FHIT: variants seen among roughly 807,000 people sequenced by gnomAD.
FHIT encodes the protein bis(5'-adenosyl)-triphosphatase.
In FHIT, 19 loss-of-function variants were observed where a neutral mutation model predicts 17.9. The ratio of observed to expected loss-of-function variants is 1.06; its 90% CI spans 0.74 to 1.56. FHIT has a LOEUF of 1.56. Ranked by LOEUF, FHIT falls within the 40% of genes most tolerant of loss-of-function variation. The pLI, the probability that FHIT is intolerant of heterozygous loss-of-function variation, is 0.00. For missense variants in FHIT, 248 were observed against 189.2 expected (o/e 1.31, Z -1.82); for synonymous variants, 81 against 69.7 (o/e 1.16, Z -0.81).
At chr3:60,138,889 T>C (rs1259650517) in intron 5 of FHIT, among the ~76,000 whole-genome samples, 1 of 152,106 alleles carries the variant, frequency 6.6e-6, no homozygotes, top group Admixed American at 6.6e-5. Context: ...ATCAGAAAGC[T>C]GCTGTCACCA....
intron 4 of FHIT, among the ~76,000 whole-genome samples, chr3:60,634,269 C>T (rs1417805940): frequency 6.6e-6 from 1 of 151,354 alleles, no homozygotes; most frequent in Non-Finnish European, 1.5e-5. Flanking sequence ...TGCCAATCTA[C>T]TCTCACACCA....
intron 5 of FHIT, among the ~76,000 whole-genome samples, chr3:60,421,574 A>G (rs1343709695): frequency 6.6e-6 from 1 of 152,154 alleles, no homozygotes; most frequent in Non-Finnish European, 1.5e-5. Context: ...ATTATGCTAT[A>G]AAGTATTATT....
In FHIT at chr3:60,679,863, A is replaced by C. The variant is rs530873126; in HGVS notation, c.-18+142056T>G. On this transcript the variant is annotated intron_variant, in intron 4 of 9. Coordinates refer to ENST00000492590, the MANE Select transcript of FHIT (RefSeq NM_002012.4). The stretch of plus-strand genomic sequence containing the variant: ...TTGTTATATAATGGTATTAGATTGC[A>C]TTCTTCTGAAACTCATTTTCAAAAC... Among the ~76,000 whole-genome samples the C allele has an allele frequency of 2.0e-5, 3 of 152,222 alleles. No homozygotes were observed. In the South Asian group the frequency reaches 6.2e-4, roughly 32 times the overall value.
chr3:59,814,794 T>C (rs752452345), intron 8 of FHIT, among the ~76,000 whole-genome samples: 1 of 152,242 alleles, frequency 6.6e-6, no homozygotes, highest in Non-Finnish European at 1.5e-5. Context: ...TTTCTTCTAC[T>C]GGAAATTGCC....
intron 8 of FHIT, among the ~76,000 whole-genome samples, chr3:59,888,060 T>C: frequency 6.6e-6 from 1 of 152,226 alleles, no homozygotes; most frequent in Admixed American, 6.5e-5. Context: ...ACGGGTGTAC[T>C]TTCTAACTTT....
chr3:59,765,935 A>C (rs1261526161), intron 8 of FHIT, among the ~76,000 whole-genome samples: 2 of 152,222 alleles, frequency 1.3e-5, no homozygotes, highest in Non-Finnish European at 2.9e-5. Flanking sequence ...CATAGGGAGA[A>C]ATCTTAACAA....
chr3:60,482,392 C>T (rs116377773), intron 5 of FHIT, among the ~76,000 whole-genome samples: 83 of 152,276 alleles, frequency 5.5e-4, no homozygotes, highest in African/African-American at 1.9e-3. Flanking sequence ...CTTCTCAGTT[C>T]CACGTGGCAT....
In FHIT at chr3:60,420,760, T is replaced by C. The variant is rs904448180; in HGVS notation, c.103+116100A>G. ...GGTATTTAAATGGTTTAAGTATTGG[T>C]TTGTCATGTGTGTTATAAATGCTGC... On this transcript the variant is annotated intron_variant, in intron 5 of 9. Transcript: ENST00000492590. 2.3e-4 allele frequency among the ~76,000 whole-genome samples: 35 copies of C among 152,312 alleles called. 1 individual carries two copies. Among genetic ancestry groups the C allele is most frequent in the African/African-American group, 7.9e-4 (33 of 41,576 alleles).
chr3:60,681,825 T>C (rs2040755416), intron 4 of FHIT, among the ~76,000 whole-genome samples: 1 of 152,212 alleles, frequency 6.6e-6, no homozygotes, highest in East Asian at 1.9e-4. Context: ...AGTTTGAAGA[T>C]AGCAGAGGCT....
intron 5 of FHIT, among the ~76,000 whole-genome samples, chr3:60,392,663 A>G (rs1701279025): frequency 6.6e-6 from 1 of 152,160 alleles, no homozygotes; most frequent in Non-Finnish European, 1.5e-5. Context: ...ATTTTAACCA[A>G]GTGAGATTAA....
chr3:60,148,471 G>A (rs894354396), intron 5 of FHIT, among the ~76,000 whole-genome samples: 7 of 152,076 alleles, frequency 4.6e-5, no homozygotes, highest in Non-Finnish European at 5.9e-5. Context: ...TACCTTTCTG[G>A]TAGAATTTTA....
intron 4 of FHIT, among the ~76,000 whole-genome samples, chr3:60,708,627 T>C (rs181278559): frequency 1.8e-4 from 28 of 152,312 alleles, no homozygotes; most frequent in Admixed American, 1.4e-3. Flanking sequence ...GAGGCTGTTC[T>C]AAAGGAAAAC....
chr3:59,839,000 A>C (rs1229737873), intron 8 of FHIT, among the ~76,000 whole-genome samples: 1 of 152,128 alleles, frequency 6.6e-6, no homozygotes, highest in Non-Finnish European at 1.5e-5. Context: ...GATCTATTCC[A>C]CAAAAGAAAG....
At chr3:59,946,790 TTC>T (rs1706827540) in intron 7 of FHIT, among the ~76,000 whole-genome samples, 1 of 152,204 alleles carries the variant, frequency 6.6e-6, no homozygotes, top group African/African-American at 2.4e-5. Context: ...TTGTTTTTAG[TTC>T]TGTTTTTGTG....
chr3:60,398,554 C>T (rs948450887), intron 5 of FHIT, among the ~76,000 whole-genome samples: 2 of 152,098 alleles, frequency 1.3e-5, no homozygotes, highest in Non-Finnish European at 1.5e-5. Context: ...TAATGCCACA[C>T]CCACCCTCCA....
chr3:59,870,796 A>C (rs975900012), intron 8 of FHIT, among the ~76,000 whole-genome samples: 17 of 152,188 alleles, frequency 1.1e-4, no homozygotes, highest in African/African-American at 4.1e-4. Context: ...AGAAGCAGAC[A>C]CACATAGGCA....
At chr3:60,210,209 T>C (rs1161823607) in intron 5 of FHIT, among the ~76,000 whole-genome samples, 2 of 152,162 alleles carry the variant, frequency 1.3e-5, no homozygotes, top group African/African-American at 4.8e-5. Context: ...GGGGAGAAGA[T>C]GGAGTTTTGA....
At chr3:60,536,135 C>T (rs947710180) in intron 5 of FHIT, 1 of 152,062 alleles carries the variant, frequency 6.6e-6, no homozygotes, top group African/African-American at 2.4e-5. Context: ...AAACTTTTAA[C>T]AACATAAAGA....
chr3:61,210,051 G>C (rs1390332975), intron 1 of FHIT, among the ~76,000 whole-genome samples: 1 of 152,222 alleles, frequency 6.6e-6, no homozygotes, highest in Non-Finnish European at 1.5e-5. Context: ...TCAGCTGCAG[G>C]TCTGTTGGAG....
Sources: gnomAD v4.1 joint callset for allele counts (sites outside exome capture counted in the v4.1 genomes callset) on GRCh38, gnomAD v4.1.1 for gene constraint, MANE v1.5 for transcripts, NCBI Gene and HGNC (gene_info 2026-07-23, HGNC 2026-07-21) for gene names.